The following PTPRD variants were observed in gnomAD, a reference collection of about 807,000 sequenced individuals.
PTPRD encodes receptor-type tyrosine-protein phosphatase delta.
Under a neutral mutation model 214.5 loss-of-function variants are expected in PTPRD, and 34 were observed. The ratio of observed to expected loss-of-function variants is 0.16; its 90% CI spans 0.12 to 0.21. PTPRD has a LOEUF of 0.21. Among genes scored for constraint, PTPRD ranks in the 10% least tolerant of loss-of-function variants. PTPRD has a pLI of 1.00. For missense variants in PTPRD, 2,545 were observed against 2,398.7 expected, an observed-to-expected ratio of 1.06 and a Z score of -1.27; for synonymous variants, 1,128 against 845.7, an observed-to-expected ratio of 1.33 and a Z score of -5.79.
At chr9:10,233,745 T>A (rs1280279599) in intron 3 of PTPRD, among the ~76,000 whole-genome samples, 1 of 151,994 alleles carries the variant, frequency 6.6e-6, no homozygotes, top group African/African-American at 2.4e-5. Context: ...TAAATTTTCA[T>A]ATTCAGCTTG....
At chr9:9,505,573 G>C (rs920923892) in intron 8 of PTPRD, among the ~76,000 whole-genome samples, 1 of 151,336 alleles carries the variant, frequency 6.6e-6, no homozygotes, top group Admixed American at 6.6e-5. Context: ...TTAAAGATAT[G>C]GCTCAAGAAG....
At chr9:8,871,319 G>A (rs1190095315) in intron 11 of PTPRD, among the ~76,000 whole-genome samples, 1 of 152,164 alleles carries the variant, frequency 6.6e-6, no homozygotes, top group African/African-American at 2.4e-5. Flanking sequence ...TCACGGAGCT[G>A]AAAAATGGAA....
chr9:10,046,210 G>A (rs1057148278), intron 3 of PTPRD, among the ~76,000 whole-genome samples: 1 of 151,656 alleles, frequency 6.6e-6, no homozygotes, highest in Non-Finnish European at 1.5e-5. Context: ...AAAGTACAAA[G>A]CATTAGAGAT....
At chr9:8,931,598 G>C (rs1221335925) in intron 11 of PTPRD, among the ~76,000 whole-genome samples, 3 of 152,122 alleles carry the variant, frequency 2.0e-5, no homozygotes, top group Non-Finnish European at 4.4e-5. Context: ...CCATGAGCAT[G>C]GAATGTTCTT....
chr9:9,765,782 TC>T (rs1268880530), intron 6 of PTPRD, among the ~76,000 whole-genome samples: 1 of 152,088 alleles, frequency 6.6e-6, no homozygotes, highest in African/African-American at 2.4e-5. Context: ...TGCCACTGCC[TC>T]CTGAGTAGCT....
chr9:10,483,846 C>A (rs946693815), intron 2 of PTPRD, among the ~76,000 whole-genome samples: 4 of 152,098 alleles, frequency 2.6e-5, no homozygotes, highest in African/African-American at 4.8e-5. Flanking sequence ...ATTAATACAA[C>A]CTCTCTGGAA....
At chr9:9,583,307 T>C (rs2154316611) in intron 7 of PTPRD, among the ~76,000 whole-genome samples, 1 of 152,076 alleles carries the variant, frequency 6.6e-6, no homozygotes, top group South Asian at 2.1e-4. Flanking sequence ...TTATGTTTAA[T>C]ATTTTGACTC....
intron 8 of PTPRD, among the ~76,000 whole-genome samples, chr9:9,413,409 C>T (rs557591500): frequency 1.2e-4 from 18 of 152,168 alleles, no homozygotes; most frequent in Admixed American, 1.0e-3. Flanking sequence ...CCACCGCGCC[C>T]GGCCTGCAGC....
In PTPRD at chr9:8,319,865, A is replaced by G. The variant is rs2130704265; in HGVS notation, c.5636T>C (p.Leu1879Ser). 1 of 1,613,042 alleles carries G rather than the reference A, an allele frequency of 6.2e-7. No individual in the cohort carries two copies. The highest frequency in any genetic ancestry group is 2.2e-5 in the East Asian group (1 of 44,824). ...TACCATAGCTGGTCGTTGTGTTCTT[A>G]ACATTTTGACAGTCTGGAAGATATC... ...VVDIFQTVKMLRTQRPAMVQT... is the reference protein window; with the variant it reads ...VVDIFQTVKMSRTQRPAMVQT... The change falls in exon 45 of 46, where the codon TTA becomes TCA. Residue 1879 changes from leucine (L) to serine (S), a missense_variant. Physicochemically the swap from Leu to Ser is moderately radical, Grantham distance 145 (BLOSUM62 -2). Transcript: ENST00000381196.
chr9:9,320,256 A>C (rs1415093892), intron 9 of PTPRD, among the ~76,000 whole-genome samples: 1 of 152,014 alleles, frequency 6.6e-6, no homozygotes, highest in Non-Finnish European at 1.5e-5. Flanking sequence ...TGGAAGACCT[A>C]CTTTTTTTTT....
intron 11 of PTPRD, among the ~76,000 whole-genome samples, chr9:8,757,749 T>G (rs1311386925): frequency 6.6e-6 from 1 of 151,392 alleles, no homozygotes; most frequent in East Asian, 1.9e-4. Flanking sequence ...TGAGCTGTCA[T>G]GTGGATATTG....
chr9:8,354,836 A>G (rs776066846), intron 39 of PTPRD, among the ~76,000 whole-genome samples: 19 of 152,334 alleles, frequency 1.2e-4, no homozygotes, highest in South Asian at 6.2e-4. Context: ...GATTCTATCA[A>G]TCAATTTAGG....
intron 3 of PTPRD, among the ~76,000 whole-genome samples, chr9:10,262,017 C>G (rs1252570090): frequency 6.6e-6 from 1 of 151,918 alleles, no homozygotes; most frequent in African/African-American, 2.4e-5. Flanking sequence ...TTGATTGCCC[C>G]ACAATCAAAG....
At chr9:10,584,423 C>T (rs1401632351) in intron 2 of PTPRD, among the ~76,000 whole-genome samples, 3 of 152,126 alleles carry the variant, frequency 2.0e-5, no homozygotes, top group Non-Finnish European at 4.4e-5. Flanking sequence ...GCAGTAGCCT[C>T]TAGATTTTCC....
intron 3 of PTPRD, among the ~76,000 whole-genome samples, chr9:10,106,733 C>T (rs72694868): frequency 0.053 from 7,984 of 151,882 alleles, 272 homozygotes; most frequent in Admixed American, 0.1. Flanking sequence ...GTGTCTTTCT[C>T]TTTCTTTTTT....
chr9:10,513,946 A>C (rs117151410), intron 2 of PTPRD, among the ~76,000 whole-genome samples: 2 of 152,246 alleles, frequency 1.3e-5, no homozygotes, highest in Non-Finnish European at 2.9e-5. Flanking sequence ...AAATAAAGTT[A>C]CTTCAAAGAA....
intron 7 of PTPRD, among the ~76,000 whole-genome samples, chr9:9,644,641 G>A (rs1050379824): frequency 7.2e-5 from 11 of 152,118 alleles, no homozygotes; most frequent in Admixed American, 7.2e-4. Flanking sequence ...AAAGGCCCTG[G>A]CCTTAAGGCT....
chr9:9,535,472 T>C (rs929215725), intron 8 of PTPRD, among the ~76,000 whole-genome samples: 1 of 152,090 alleles, frequency 6.6e-6, no homozygotes, highest in Admixed American at 6.6e-5. Flanking sequence ...AAATGTCCAG[T>C]GACTTAAGCT....
intron 7 of PTPRD, among the ~76,000 whole-genome samples, chr9:9,594,231 A>G (rs2093054052): frequency 6.6e-6 from 1 of 152,076 alleles, no homozygotes; most frequent in Non-Finnish European, 1.5e-5. Flanking sequence ...CCTAAGATAC[A>G]CATGCCAATT....
Sources: allele counts gnomAD v4.1 joint callset (sites outside exome capture counted in the v4.1 genomes callset), GRCh38; gene constraint gnomAD v4.1.1; transcripts MANE v1.5; gene names NCBI Gene and HGNC (gene_info 2026-07-23, HGNC 2026-07-21).